The following ADAMTSL1 variants were observed in gnomAD, a reference collection of about 807,000 sequenced individuals.
The protein encoded by ADAMTSL1 is ADAMTS like 1.
A neutral mutation model predicts 201.8 loss-of-function variants in ADAMTSL1; 126 were observed. The ratio of observed to expected loss-of-function variants is 0.62; its 90% CI spans 0.54 to 0.72. The LOEUF is 0.72. Among genes scored for constraint, ADAMTSL1 ranks in the 30% least tolerant of loss-of-function variants. The pLI, the probability that ADAMTSL1 is intolerant of heterozygous loss-of-function variation, is 0.00. For missense variants in ADAMTSL1, 2,679 were observed against 2,277.8 expected (o/e 1.18, Z -3.59); for synonymous variants, 1,121 against 903.4 (o/e 1.24, Z -4.32).
Position 18,399,318 on chromosome 9 carries a change from T to TATATACATATAC in ADAMTSL1, c.208-105506_208-105505insCATATACATATA, listed in dbSNP as rs1554672311. ...ATATATATATATATATATATATATA[T>TATATACATATAC]ATATATATATAAAATTATTATTTTC... On this transcript the variant is annotated intron_variant, in intron 2 of 29. Coordinates refer to the ADAMTSL1 transcript ENST00000680146. Among the ~76,000 whole-genome samples the TATATACATATAC allele has an allele frequency of 2.7e-4, 27 of 100,768 alleles. 1 individual carries two copies. The highest frequency in any genetic ancestry group is 8.2e-4 in the African/African-American group (22 of 26,966). 66.1% of individuals were successfully genotyped at this position (100,768 alleles called of 152,430 possible). A position where few individuals can be genotyped will look rare whatever the true frequency, so the allele number is the denominator to read the frequency against.
At chr9:18,194,260 G>T (rs1041751660) in intron 2 of ADAMTSL1, among the ~76,000 whole-genome samples, 2 of 152,112 alleles carry the variant, frequency 1.3e-5, no homozygotes, top group Admixed American at 1.3e-4. Flanking sequence ...GCTAAGTCAA[G>T]TTATTTTTTT....
chr9:18,094,710 G>A (rs1029041966), intron 1 of ADAMTSL1, among the ~76,000 whole-genome samples: 8 of 151,866 alleles, frequency 5.3e-5, no homozygotes, highest in Non-Finnish European at 7.4e-5. Context: ...ACAGGTGCAC[G>A]CCACCATGCC....
intron 19 of ADAMTSL1, among the ~76,000 whole-genome samples, chr9:18,784,358 T>C (rs1438309225): frequency 6.6e-6 from 1 of 152,212 alleles, no homozygotes; most frequent in Non-Finnish European, 1.5e-5. Flanking sequence ...TCTAAGAACA[T>C]GATAGACACT....
intron 2 of ADAMTSL1, among the ~76,000 whole-genome samples, chr9:18,220,753 C>G (rs149302441): frequency 0.016 from 2,444 of 151,898 alleles, 35 homozygotes; most frequent in Non-Finnish European, 0.026. Context: ...ATACATTTTA[C>G]TTATACTTTT....
intron 9 of ADAMTSL1, among the ~76,000 whole-genome samples, chr9:18,671,837 A>T (rs7023843): frequency 0.029 from 4,387 of 152,122 alleles, 206 homozygotes; most frequent in African/African-American, 0.098. Context: ...GGAGATCGAG[A>T]CCATCCTGGC....
rs754030730 is a variant in ADAMTSL1 at position 18,826,197 on chromosome 9, G to A, written c.3935-87G>A. On this transcript the variant is annotated intron_variant, in intron 21 of 28. Transcript: ENST00000380548. ...CTGTAGAGCAGCCCCAGGGAAGGGG[G>A]ATTCAAGAAGCTATAAATGCCTCTG... 37 of 1,483,272 alleles carry A rather than the reference G, an allele frequency of 2.5e-5. 1 individual carries two copies. In the African/African-American group the frequency reaches 3.4e-4, roughly 14 times the overall value. The allele number at this position is 1,483,272 out of a possible 1,614,324, so 91.9% of individuals were successfully genotyped here.
chr9:18,703,003 C>T (rs1832011810), intron 13 of ADAMTSL1, among the ~76,000 whole-genome samples: 2 of 152,180 alleles, frequency 1.3e-5, no homozygotes, highest in South Asian at 4.1e-4. Flanking sequence ...CTCAGGTGAT[C>T]TGCCTGCGTT....
intron 2 of ADAMTSL1, among the ~76,000 whole-genome samples, chr9:18,432,490 A>G (rs10738508): frequency 0.69 from 104,156 of 151,706 alleles, 36,022 homozygotes; most frequent in East Asian, 0.92. Flanking sequence ...GCACTAGATT[A>G]AGCCAATAAA....
At chr9:17,991,915 G>A (rs142861385) in intron 1 of ADAMTSL1, among the ~76,000 whole-genome samples, 22 of 152,208 alleles carry the variant, frequency 1.4e-4, no homozygotes, top group African/African-American at 4.8e-4. Flanking sequence ...GGTACCCTGC[G>A]ACACTGCCTT....
intron 2 of ADAMTSL1, among the ~76,000 whole-genome samples, chr9:18,329,635 T>A (rs1442184554): frequency 6.6e-6 from 1 of 152,226 alleles, no homozygotes; most frequent in Non-Finnish European, 1.5e-5. Context: ...GTGGCTTATC[T>A]TTATCAGCCA....
chr9:18,868,733 T>G (rs1353489727), intron 23 of ADAMTSL1, among the ~76,000 whole-genome samples: 5 of 152,246 alleles, frequency 3.3e-5, no homozygotes, highest in Non-Finnish European at 5.9e-5. Flanking sequence ...GAGGAATTTA[T>G]GCAGATTTTG....
At chr9:18,354,123 T>C (rs1836101937) in intron 2 of ADAMTSL1, among the ~76,000 whole-genome samples, 1 of 150,466 alleles carries the variant, frequency 6.6e-6, no homozygotes, top group South Asian at 2.1e-4. Context: ...TTCAACATAC[T>C]TTCCTTATAT....
intron 1 of ADAMTSL1, among the ~76,000 whole-genome samples, chr9:18,137,633 G>A (rs539434000): frequency 1.8e-4 from 28 of 152,030 alleles, no homozygotes; most frequent in African/African-American, 5.5e-4. Context: ...TAACGACTTC[G>A]GAGAAAACTA....
At chr9:18,417,367 G>GAAAAAAA (rs80226819) in intron 2 of ADAMTSL1, among the ~76,000 whole-genome samples, 2 of 64,674 alleles carry the variant, frequency 3.1e-5, no homozygotes, top group African/African-American at 6.3e-5. Flanking sequence ...AAGTAAGCAG[G>GAAAAAAA]AAAAAAAAAA....
intron 2 of ADAMTSL1, among the ~76,000 whole-genome samples, chr9:18,213,530 G>A (rs527499136): frequency 6.6e-6 from 1 of 152,314 alleles, no homozygotes; most frequent in Admixed American, 6.5e-5. Context: ...GTATTAGTGA[G>A]CTCACACTAA....
chr9:18,792,223 T>C (rs772674799), intron 19 of ADAMTSL1, among the ~76,000 whole-genome samples: 3 of 152,148 alleles, frequency 2.0e-5, no homozygotes, highest in Non-Finnish European at 4.4e-5. Context: ...TGTGCAGCAT[T>C]ACCAAGAAAA....
chr9:18,319,143 C>G (rs1408750274), intron 2 of ADAMTSL1, among the ~76,000 whole-genome samples: 1 of 151,958 alleles, frequency 6.6e-6, no homozygotes, highest in African/African-American at 2.4e-5. Context: ...CCCAGGAGTT[C>G]AAAGCTGCAC....
At chr9:18,212,926 C>T (rs948286079) in intron 2 of ADAMTSL1, among the ~76,000 whole-genome samples, 1 of 152,042 alleles carries the variant, frequency 6.6e-6, no homozygotes, top group East Asian at 1.9e-4. Flanking sequence ...TTAATTTTAC[C>T]TTTTGAATAG....
intron 1 of ADAMTSL1, among the ~76,000 whole-genome samples, chr9:18,157,002 C>A (rs898828251): frequency 1.3e-5 from 2 of 151,998 alleles, no homozygotes; most frequent in African/African-American, 4.8e-5. Context: ...TTATATATGT[C>A]AAGGAAGATG....
Sources: gnomAD v4.1 joint callset for allele counts (sites outside exome capture counted in the v4.1 genomes callset) on GRCh38, gnomAD v4.1.1 for gene constraint, MANE v1.5 for transcripts, NCBI Gene and HGNC (gene_info 2026-07-23, HGNC 2026-07-21) for gene names.